HSPA8: variants seen among roughly 807,000 people sequenced by gnomAD.
HSPA8 encodes heat shock cognate 71 kDa protein.
In HSPA8, 2 loss-of-function variants were observed where a neutral mutation model predicts 52.8. That is an observed-to-expected ratio of 0.04 (90% CI 0.02 to 0.12). The LOEUF is 0.12. Among genes scored for constraint, HSPA8 ranks in the 10% least tolerant of loss-of-function variants. The pLI, the probability that HSPA8 is intolerant of heterozygous loss-of-function variation, is 1.00. For synonymous variants in HSPA8, 436 were observed against 274.0 expected (o/e 1.59, Z -5.84); for missense variants, 349 against 800.5 (o/e 0.44, Z 6.81).
At chr11:123,060,075 A>G in intron 4 of HSPA8, 41 bp downstream of exon 4, 2 of 1,614,138 alleles carry the variant, frequency 1.2e-6, no homozygotes, top group Non-Finnish European at 1.7e-6. Context: ...GATCAAATTA[A>G]TCTTAAAATA....
intron 7 of HSPA8, 42 bp from the exon 8 acceptor site, chr11:123,058,526 T>C (rs753821098): frequency 3.8e-6 from 6 of 1,588,820 alleles, no homozygotes; most frequent in Non-Finnish European, 5.2e-6. Flanking sequence ...TTAAATTACC[T>C]GTGTATGTGT....
chr11:123,059,005 G>A (rs1865407904), intron 6 of HSPA8, 54 bp downstream of exon 6: 1 of 1,518,340 alleles, frequency 6.6e-7, no homozygotes, highest in Non-Finnish European at 9.1e-7. Flanking sequence ...AGTCAGTCAA[G>A]ACTTCCCTTT....
chr11:123,057,973 C>A (rs1401262255), intron 8 of HSPA8, 54 bp from the exon 9 acceptor site: 7 of 1,388,126 alleles, frequency 5.0e-6, no homozygotes, highest in South Asian at 1.3e-5. Flanking sequence ...AATAACCCTT[C>A]TTTCTCCCTG....
At position 123,057,652 on chromosome 11, in the gene HSPA8, A is replaced by G; in HGVS notation, c.*82T>C. ...TACTATAGCAGCTTAACTTTTTAAA[A>G]CTGCCACAGAATTTGCTACGAATTT... On this transcript the variant is annotated 3_prime_UTR_variant, in exon 9 of 9. Coordinates refer to ENST00000534624, the MANE Select transcript of HSPA8 (RefSeq NM_006597.6). 1.7e-6 allele frequency: 2 copies of G among 1,163,808 alleles called. No individual in the cohort carries two copies. Among genetic ancestry groups the G allele is most frequent in the Admixed American group, 2.5e-5 (1 of 40,536 alleles). 72.1% of individuals were successfully genotyped at this position (1,163,808 alleles called of 1,614,324 possible). A position where few individuals can be genotyped will look rare whatever the true frequency, so the allele number is the denominator to read the frequency against.
At chr11:123,060,359 G>T in intron 3 of HSPA8, 91 bp from the exon 4 acceptor site, 1 of 1,260,208 alleles carries the variant, frequency 7.9e-7, no homozygotes, top group Non-Finnish European at 1.1e-6. Context: ...TGAAAGAACA[G>T]CTGGAGCACC....
intron 8 of HSPA8, 105 bp downstream of exon 8, chr11:123,058,147 C>A: frequency 1.2e-6 from 1 of 809,252 alleles, no homozygotes; most frequent in Non-Finnish European, 2.0e-6. Context: ...TGTTTTGGAC[C>A]ATTCATCATT....
Position 123,058,403 on chromosome 11 carries a change from T to G in HSPA8, c.1604A>C (p.Lys535Thr). The change falls in exon 8 of 9, where the codon AAG (lysine) becomes ACG (threonine). Residue 535 changes from lysine to threonine, a missense_variant. By Grantham distance (78) the Lys-to-Thr change is moderately conservative (BLOSUM62 -1). Coordinates refer to ENST00000534624, the MANE Select transcript of HSPA8 (RefSeq NM_006597.6). ...YKAEDEKQRD[K>T]VSSKNSLESY... ...CTCAAGTGAATTCTTGGATGACACCTTGTCCCTCTGCTTCTCATCTTCAGC... is the reference window on the plus strand; with the variant it reads ...CTCAAGTGAATTCTTGGATGACACCGTGTCCCTCTGCTTCTCATCTTCAGC... The G allele has an allele frequency of 6.2e-7, 1 of 1,613,964 alleles. No individual in the cohort carries two copies. The highest frequency in any genetic ancestry group is 8.5e-7 in the Non-Finnish European group (1 of 1,179,914).
In HSPA8 at chr11:123,058,375, G is replaced by A. The variant is rs1591435909; in HGVS notation, c.1632C>T (p.Ser544=). 2 of 1,613,636 alleles carry A rather than the reference G, an allele frequency of 1.2e-6. No individual in the cohort carries two copies. Among genetic ancestry groups the A allele is most frequent in the South Asian group, 1.1e-5 (1 of 91,072 alleles). ...DKVSSKNSLE[S]YAFNMKATVE... is the part of the protein sequence containing the mutation. ...CAGTTGCTTTCATGTTGAAGGCATA[G>A]GACTCAAGTGAATTCTTGGATGACA... The change falls in exon 8 of 9, where the codon TCC becomes TCT. Residue 544 remains serine (S), a synonymous_variant. Coordinates refer to ENST00000534624, the MANE Select transcript of HSPA8 (RefSeq NM_006597.6).
At chr11:123,058,535 G>T (rs374190356) in intron 7 of HSPA8, 51 bp from the exon 8 acceptor site, 82 of 1,583,728 alleles carry the variant, frequency 5.2e-5, no homozygotes, top group Non-Finnish European at 7.1e-5. Flanking sequence ...CTGTGTATGT[G>T]TAACTCTAGT....
At chr11:123,058,226 G>GAAA (rs71057327) in intron 8 of HSPA8, 26 bp downstream of exon 8, 48,351 of 990,944 alleles carry the variant, frequency 0.049, 1,264 homozygotes, top group African/African-American at 0.2. Context: ...AGTGGGGGAG[G>GAAA]AAAAAAAAAA....
Position 123,058,786 on chromosome 11 carries a change from A to C in HSPA8, c.1368T>G (p.Leu456=). ...ERAMTKDNNL[L]GKFELTGIPP... ...GTATGCCTGTGAGTTCAAACTTGCC[A>C]AGCAGGTTGTTATCCTTTGTCATGG... Residue 456 remains leucine, a synonymous_variant, in exon 7 of 9, where the codon CTT becomes CTG. Coordinates refer to ENST00000534624, the MANE Select transcript of HSPA8 (RefSeq NM_006597.6). 3 of 1,614,188 alleles carry C rather than the reference A, an allele frequency of 1.9e-6. No homozygotes were observed. The highest frequency in any genetic ancestry group is 2.5e-6 in the Non-Finnish European group (3 of 1,180,036).
At chr11:123,059,341 A>T in intron 5 of HSPA8, 80 bp from the exon 6 acceptor site, 1 of 1,396,268 alleles carries the variant, frequency 7.2e-7, no homozygotes, top group Admixed American at 1.8e-5. Flanking sequence ...TCACTCGCTC[A>T]GACATCCAAG....
At chr11:123,061,619 C>A (rs992714359) in intron 1 of HSPA8, 12 of 451,260 alleles carry the variant, frequency 2.7e-5, no homozygotes, top group Non-Finnish European at 4.9e-5. Context: ...TCCCCTCCCT[C>A]GCCAGGTGCC....
At chr11:123,060,092 A>G in intron 4 of HSPA8, 24 bp downstream of exon 4, 1 of 1,614,086 alleles carries the variant, frequency 6.2e-7, no homozygotes, top group East Asian at 2.2e-5. Flanking sequence ...AATAATCCGA[A>G]CTTGCATCAC....
Position 123,060,787 on chromosome 11 carries a change from G to A in HSPA8, c.217C>T (p.Leu73=), listed in dbSNP as rs764381465. The A allele has an allele frequency of 6.8e-6, 11 of 1,612,932 alleles. No homozygotes were observed. The highest frequency in any genetic ancestry group is 8.5e-6 in the Non-Finnish European group (10 of 1,179,896). ...PTNTVFDAKR[L]IGRRFDDAVV... is the part of the protein sequence containing the mutation. The stretch of plus-strand genomic sequence containing the variant: ...GCATCATCAAATCTGCGTCCAATCA[G>A]ACGTTTGGCATCTGTAAAAGGTGTC... Residue 73 remains leucine, a synonymous_variant, in exon 3 of 9, where the codon CTG becomes TTG. Transcript: ENST00000534624.
At chr11:123,058,205 C>G (rs1865369078) in intron 8 of HSPA8, 47 bp downstream of exon 8, 5 of 1,175,900 alleles carry the variant, frequency 4.3e-6, no homozygotes, top group South Asian at 2.6e-5. Context: ...CCATCCCCTT[C>G]CCCTCCATTG....
In HSPA8 at chr11:123,057,556, A is replaced by G. The variant is rs1372313459; in HGVS notation, c.*178T>C. 1.9e-6 allele frequency: 1 copy of G among 539,768 alleles called. No individual in the cohort carries two copies. The highest frequency in any genetic ancestry group is 3.3e-6 in the Non-Finnish European group (1 of 307,250). The allele number at this position is 539,768 out of a possible 1,614,324, so 33.4% of individuals were successfully genotyped here. A position where few individuals can be genotyped will look rare whatever the true frequency, so the allele number is the denominator to read the frequency against. ...ATTTTCCACTTACAATACAGTGTTT[A>G]TAAAGTGCAATGTTATTTCCTTCCC... On this transcript the variant is annotated 3_prime_UTR_variant, in exon 9 of 9. Coordinates refer to ENST00000534624, the MANE Select transcript of HSPA8 (RefSeq NM_006597.6).
chr11:123,059,528 A>G lies in HSPA8; in HGVS notation c.1065T>C (p.Asn355=), dbSNP rs529656968. ...KIQKLLQDFF[N]GKELNKSINP... ...TGATGCTCTTATTCAGTTCTTTTCCATTGAAGAAGTCTTGGAGAAGCTTCT... is the reference window on the plus strand; with the variant it reads ...TGATGCTCTTATTCAGTTCTTTTCCGTTGAAGAAGTCTTGGAGAAGCTTCT... Residue 355 remains asparagine, a synonymous_variant, in exon 5 of 9, where the codon AAT becomes AAC. Transcript: ENST00000534624. The G allele has an allele frequency of 1.5e-5, 25 of 1,614,140 alleles. No individual in the cohort carries two copies. The African/African-American group carries it at 2.3e-4, about 15-fold the overall frequency.
At position 123,060,578 on chromosome 11, in the gene HSPA8, A is replaced by G; in HGVS notation, c.411+15T>C. 2 of 1,607,252 alleles carry G rather than the reference A, an allele frequency of 1.2e-6. No individual in the cohort carries two copies. Among genetic ancestry groups the G allele is most frequent in the Non-Finnish European group, 1.7e-6 (2 of 1,174,122 alleles). ...CTACTCCGGAATGCACCCCATACTG[A>G]AAAACCAACCTCACCTTCCCAAGGT... On this transcript the variant is annotated intron_variant, in intron 3 of 8. Transcript: ENST00000534624.
Sources: gnomAD v4.1 joint callset for allele counts on GRCh38, gnomAD v4.1.1 for gene constraint, MANE v1.5 for transcripts, NCBI Gene and HGNC (gene_info 2026-07-23, HGNC 2026-07-21) for gene names.